IFFO2: variants seen among roughly 807,000 people sequenced by gnomAD.
The protein encoded by IFFO2 is intermediate filament family orphan 2.
Under a neutral mutation model 53.5 loss-of-function variants are expected in IFFO2, and 19 were observed. The ratio of observed to expected loss-of-function variants is 0.36; its 90% CI spans 0.25 to 0.52. IFFO2 has a LOEUF of 0.52. Among genes scored for constraint, IFFO2 ranks in the 20% least tolerant of loss-of-function variants. The probability of loss-of-function intolerance (pLI) is 0.94; values close to 1 mark genes in which losing one functional copy is unlikely to be tolerated. For synonymous variants in IFFO2, 303 were observed against 313.6 expected (o/e 0.97, Z 0.36); for missense variants, 570 against 727.4 (o/e 0.78, Z 2.49).
At chr1:18,925,473 T>C (rs113671407) in intron 1 of IFFO2, among the ~76,000 whole-genome samples, 1 of 152,136 alleles carries the variant, frequency 6.6e-6, no homozygotes, top group Non-Finnish European at 1.5e-5. Flanking sequence ...GATGGCTCCA[T>C]TGTGTGGTCA....
chr1:18,925,808 TTGGATGGA>T (rs61077772), intron 1 of IFFO2, among the ~76,000 whole-genome samples: 1,125 of 49,566 alleles, frequency 0.023, 9 homozygotes, highest in African/African-American at 0.054. Flanking sequence ...GATGGATTGG[TTGGATGGA>T]TGGATGGATG....
chr1:18,921,921 G>A (rs1936221924), intron 1 of IFFO2, among the ~76,000 whole-genome samples: 1 of 152,096 alleles, frequency 6.6e-6, no homozygotes, highest in African/African-American at 2.4e-5. Context: ...GGAAGGGGTG[G>A]GAGCAGTTCC....
In IFFO2 at chr1:18,936,302, G is replaced by T. The variant is rs1196972494; in HGVS notation, c.666-15181C>A. On this transcript the variant is annotated intron_variant, in intron 1 of 8. Coordinates refer to ENST00000455833, the MANE Select transcript of IFFO2 (RefSeq NM_001136265.2). The surrounding 1 kb of genome is among the most constrained non-coding windows in gnomAD (Gnocchi z 4.5). ...GCACCTTGAAGCCTGGGCCTACCTT[G>T]CATGGAGCAGATGATGGGAAAGTTG... 6.6e-6 allele frequency among the ~76,000 whole-genome samples: 1 copy of T among 152,188 alleles called. No homozygotes were observed. The highest frequency in any genetic ancestry group is 1.5e-5 in the Non-Finnish European group (1 of 68,038).
At chr1:18,915,011 G>C (rs1462982533) in intron 5 of IFFO2, among the ~76,000 whole-genome samples, 1 of 152,088 alleles carries the variant, frequency 6.6e-6, no homozygotes, top group East Asian at 1.9e-4. Context: ...TCAGGCAAAA[G>C]AGTTCCTGTC....
In IFFO2 at chr1:18,936,468, T is replaced by C. The variant is rs1936448381; in HGVS notation, c.666-15347A>G. Among the ~76,000 whole-genome samples, 1 of 152,120 alleles carries C rather than the reference T, an allele frequency of 6.6e-6. No homozygotes were observed. Among genetic ancestry groups the C allele is most frequent in the Non-Finnish European group, 1.5e-5 (1 of 68,020 alleles). ...GCCAGCAGGGGGTCTGGGCAGCAGG[T>C]CTTTGGGCACTCAGGTCAAGAGGCA... On this transcript the variant is annotated intron_variant, in intron 1 of 8. Coordinates refer to ENST00000455833, the MANE Select transcript of IFFO2 (RefSeq NM_001136265.2). This position sits in a 1 kb window ranked among gnomAD's most constrained non-coding sequence, Gnocchi z 4.5.
At chr1:18,933,733 G>A (rs1337626295) in intron 1 of IFFO2, among the ~76,000 whole-genome samples, 1 of 152,130 alleles carries the variant, frequency 6.6e-6, no homozygotes, top group Non-Finnish European at 1.5e-5. Flanking sequence ...ACTCCAGCCT[G>A]GGTGACAGAG....
At chr1:18,926,189 C>T (rs1308926827) in intron 1 of IFFO2, among the ~76,000 whole-genome samples, 1 of 152,154 alleles carries the variant, frequency 6.6e-6, no homozygotes, top group Non-Finnish European at 1.5e-5. Flanking sequence ...CCTGATGGCC[C>T]TCGCCTCCAG....
In IFFO2 at chr1:18,946,669, G is replaced by C. The variant is rs183445159; in HGVS notation, c.665+8999C>G. ...CCTGACCTCATGATCTACCCGCCTC[G>C]GCCTCCTAAAGTGCTGGGATTACAG... On this transcript the variant is annotated intron_variant, in intron 1 of 8. Transcript: ENST00000455833. 7.4e-4 allele frequency among the ~76,000 whole-genome samples: 112 copies of C among 151,360 alleles called. No individual in the cohort carries two copies. The East Asian group carries it at 0.02, about 26-fold the overall frequency.
Position 18,921,099 on chromosome 1 carries a change from G to T in IFFO2, c.688C>A (p.Arg230Ser). The change falls in exon 2 of 9, where the codon CGC (arginine) becomes AGC (serine). Residue 230 changes from arginine (R) to serine (S), a missense_variant. By Grantham distance (110) the Arg-to-Ser change is moderately radical (BLOSUM62 -1). Coordinates refer to ENST00000455833, the MANE Select transcript of IFFO2 (RefSeq NM_001136265.2). Reference sequence around the variant, plus strand: ...TCCACCATGGTCTGAAGGTTCATGCGCTTGGCGAGCTCCTCCTCCCACCTG... The same window carrying T: ...TCCACCATGGTCTGAAGGTTCATGCTCTTGGCGAGCTCCTCCTCCCACCTG... ...KRRWEEELAKRMNLQTMVDTL... is the reference protein window; with the variant it reads ...KRRWEEELAKSMNLQTMVDTL... The T allele has an allele frequency of 6.4e-7, 1 of 1,551,934 alleles. No individual in the cohort carries two copies. Among genetic ancestry groups the T allele is most frequent in the Non-Finnish European group, 8.7e-7 (1 of 1,147,046 alleles).
rs759148587 is a variant in IFFO2, at chr1:18,956,179, A to T, written c.154T>A (p.Ser52Thr). Residue 52 changes from serine (S) to threonine (T), a missense_variant, in exon 1 of 9, where the codon TCC becomes ACC. Coordinates refer to ENST00000455833, the MANE Select transcript of IFFO2 (RefSeq NM_001136265.2). This position sits in a 1 kb window ranked among gnomAD's most constrained non-coding sequence, Gnocchi z 6.4. ...AGCCCCTTCAAGAGGTGGATGTTGGAGCCCAGGTCGTCCCGCAGCGCCGCC... is the reference window on the plus strand; with the variant it reads ...AGCCCCTTCAAGAGGTGGATGTTGGTGCCCAGGTCGTCCCGCAGCGCCGCC... ...VTAALRDDLG[S>T]NIHLLKGLNV... 82 of 1,457,100 alleles carry T rather than the reference A, an allele frequency of 5.6e-5. No homozygotes were observed. In the African/African-American group the frequency reaches 1.2e-3, roughly 21 times the overall value. The allele number at this position is 1,457,100 out of a possible 1,614,324, so 90.3% of individuals were successfully genotyped here.
chr1:18,944,430 C>T (rs990479393), intron 1 of IFFO2, among the ~76,000 whole-genome samples: 1 of 152,046 alleles, frequency 6.6e-6, no homozygotes, highest in Non-Finnish European at 1.5e-5. Context: ...CCCCCCAGCC[C>T]CAATTCCTGA....
chr1:18,943,690 G>A (rs1045786201), intron 1 of IFFO2, among the ~76,000 whole-genome samples: 12 of 152,348 alleles, frequency 7.9e-5, no homozygotes, highest in African/African-American at 2.6e-4. Context: ...GCCAAGCACA[G>A]GGCTGGCAGA....
In IFFO2 at chr1:18,956,234, G is replaced by A. The variant is rs1010679679; in HGVS notation, c.99C>T (p.Gly33=). Reference sequence around the variant, plus strand: ...CCGGCGACGGACCCGGCCCTGCCCCGCCGCCGCCGCCGCCCCCGCCAGGGC... The same window carrying A: ...CCGGCGACGGACCCGGCCCTGCCCCACCGCCGCCGCCGCCCCCGCCAGGGC... ...GGCPGGGGGG[G]GAGPGPSPVT... The change falls in exon 1 of 9, where the codon GGC becomes GGT. Residue 33 remains glycine, a synonymous_variant. Transcript: ENST00000455833. The surrounding 1 kb of genome is among the most constrained non-coding windows in gnomAD (Gnocchi z 6.4). 8.3e-6 allele frequency: 9 copies of A among 1,087,154 alleles called. No homozygotes were observed. In the Admixed American group the frequency reaches 2.9e-4, roughly 35 times the overall value. The allele number at this position is 1,087,154 out of a possible 1,614,324, so 67.3% of individuals were successfully genotyped here. A position where few individuals can be genotyped will look rare whatever the true frequency, so the allele number is the denominator to read the frequency against.
intron 1 of IFFO2, among the ~76,000 whole-genome samples, chr1:18,955,053 A>G (rs1936706424): frequency 6.6e-6 from 1 of 152,318 alleles, no homozygotes; most frequent in South Asian, 2.1e-4. Context: ...GACGGCAGAC[A>G]CTGGCCCCAG....
chr1:18,949,940 T>G (rs921620613), intron 1 of IFFO2, among the ~76,000 whole-genome samples: 2 of 152,242 alleles, frequency 1.3e-5, no homozygotes, highest in African/African-American at 4.8e-5. Flanking sequence ...CCTGCTTCCT[T>G]TTCTTTTCTG....
At chr1:18,953,055 C>A (rs1936679097) in intron 1 of IFFO2, among the ~76,000 whole-genome samples, 1 of 152,176 alleles carries the variant, frequency 6.6e-6, no homozygotes, top group Non-Finnish European at 1.5e-5. Context: ...CCAGGGGAAA[C>A]CCTGGAACCT....
intron 1 of IFFO2, among the ~76,000 whole-genome samples, chr1:18,954,646 T>C (rs1476789506): frequency 6.6e-6 from 1 of 152,220 alleles, no homozygotes; most frequent in Non-Finnish European, 1.5e-5. Flanking sequence ...AGACCCTTCT[T>C]CTCTTATGGG....
chr1:18,934,057 C>CTTTCTTTTTTTTTTTTTTTTTTT (rs1936413944), intron 1 of IFFO2, among the ~76,000 whole-genome samples: 1 of 70,330 alleles, frequency 1.4e-5, no homozygotes, highest in Admixed American at 2.1e-4. Context: ...TCTCTTATTT[C>CTTTCTTTTTTTTTTTTTTTTTTT]TTTTTTTTTT....
chr1:18,930,518 C>T (rs1365475332), intron 1 of IFFO2, among the ~76,000 whole-genome samples: 1 of 152,210 alleles, frequency 6.6e-6, no homozygotes, highest in African/African-American at 2.4e-5. Flanking sequence ...TCAGCAAAAC[C>T]CACTGAAAAC....
Sources: gnomAD v4.1 joint callset for allele counts (sites outside exome capture counted in the v4.1 genomes callset) on GRCh38, gnomAD v4.1.1 for gene constraint, Gnocchi (gnomAD v3.1) non-coding constraint, MANE v1.5 for transcripts, NCBI Gene and HGNC (gene_info 2026-07-23, HGNC 2026-07-21) for gene names.